DACH2: variants seen among roughly 807,000 people sequenced by gnomAD.
DACH2 encodes the protein dachshund family transcription factor 2.
In DACH2, 17 loss-of-function variants were observed where a neutral mutation model predicts 35.8. The ratio of observed to expected loss-of-function variants is 0.48; its 90% CI spans 0.33 to 0.71. The LOEUF (loss-of-function observed/expected upper bound fraction) is 0.71, where lower values mean the gene tolerates loss of function less well. DACH2 is among the 30% of genes least tolerant of loss of function. DACH2 has a pLI of 0.02. For synonymous variants in DACH2, 195 were observed against 177.3 expected (o/e 1.10, Z -0.79); for missense variants, 469 against 472.7 (o/e 0.99, Z 0.07).
intron 2 of DACH2, among the ~76,000 whole-genome samples, chrX:86,491,692 G>A (rs2038095447): frequency 1.8e-5 from 2 of 111,574 alleles, no homozygotes; most frequent in South Asian, 7.4e-4. Flanking sequence ...AGAGTTAAAA[G>A]GATGTTCTCA....
chrX:86,388,523 A>G (rs1201261745), intron 2 of DACH2, among the ~76,000 whole-genome samples: 1 of 111,590 alleles, frequency 9.0e-6, no homozygotes, highest in Non-Finnish European at 1.9e-5. Flanking sequence ...TTTACAGAGA[A>G]TCAACTGGAG....
rs774540218 is a variant in DACH2, at chrX:86,535,293, G to A, written c.640+20902G>A. Among the ~76,000 whole-genome samples, 104 of 111,608 alleles carry A rather than the reference G, an allele frequency of 9.3e-4. 1 individual carries two copies. The highest frequency in any genetic ancestry group is 3.3e-3 in the African/African-American group (103 of 30,760). ...CTTCAAAGAACTGGTCCTCCAGATT[G>A]AGAGAATGTCTTAGTATGTTTTGTG... On this transcript the variant is annotated intron_variant, in intron 3 of 11. Transcript: ENST00000373125.
At chrX:86,307,670 C>A (rs777949608) in intron 1 of DACH2, among the ~76,000 whole-genome samples, 1 of 111,149 alleles carries the variant, frequency 9.0e-6, no homozygotes, top group East Asian at 2.9e-4. Context: ...TCAGAAGCCA[C>A]CCCCAACACC....
chrX:86,150,765 A>C (rs1318032652), intron 1 of DACH2, among the ~76,000 whole-genome samples: 1 of 112,155 alleles, frequency 8.9e-6, no homozygotes, highest in Non-Finnish European at 1.9e-5. Flanking sequence ...TTATTAGTAC[A>C]CAAACTAAAA....
chrX:86,423,440 A>G (rs2036839059), intron 2 of DACH2, among the ~76,000 whole-genome samples: 1 of 110,393 alleles, frequency 9.1e-6, no homozygotes, highest in African/African-American at 3.3e-5. Context: ...TCACCTTTTC[A>G]TATGCCTGTT....
At chrX:86,738,397 T>A (rs1256160767) in intron 6 of DACH2, among the ~76,000 whole-genome samples, 1 of 112,257 alleles carries the variant, frequency 8.9e-6, no homozygotes, top group African/African-American at 3.2e-5. Flanking sequence ...AAAATCAATG[T>A]GGAAATGTAC....
chrX:86,593,413 A>ATTTTATTTTATTTTATTTTATTTTT (rs2039673404), intron 3 of DACH2, among the ~76,000 whole-genome samples: 1 of 100,877 alleles, frequency 9.9e-6, no homozygotes, highest in African/African-American at 3.8e-5. Context: ...ATTTTATTTT[A>ATTTTATTTTATTTTATTTTATTTTT]TTTTATTTTA....
intron 2 of DACH2, among the ~76,000 whole-genome samples, chrX:86,495,925 A>G (rs1038589885): frequency 4.5e-5 from 5 of 111,747 alleles, no homozygotes; most frequent in African/African-American, 1.6e-4. Flanking sequence ...AGATGTTACA[A>G]TAGGTACAAT....
chrX:86,336,256 G>T (rs1457002408), intron 1 of DACH2, among the ~76,000 whole-genome samples: 1 of 112,150 alleles, frequency 8.9e-6, no homozygotes, highest in Non-Finnish European at 1.9e-5. Context: ...GATGATGCTG[G>T]CCTCATAAAA....
intron 2 of DACH2, among the ~76,000 whole-genome samples, chrX:86,400,082 T>C (rs2036392948): frequency 9.0e-6 from 1 of 111,514 alleles, no homozygotes; most frequent in African/African-American, 3.3e-5. Flanking sequence ...GTTCATTTCT[T>C]TTTATTCTTT....
chrX:86,389,385 T>A (rs758410496), intron 2 of DACH2, among the ~76,000 whole-genome samples: 1 of 112,452 alleles, frequency 8.9e-6, no homozygotes, highest in Non-Finnish European at 1.9e-5. Context: ...TTACTGAACT[T>A]GTAGCAGCAC....
intron 2 of DACH2, among the ~76,000 whole-genome samples, chrX:86,379,117 G>A (rs1261463593): frequency 9.0e-6 from 1 of 111,213 alleles, no homozygotes; most frequent in African/African-American, 3.2e-5. Context: ...AGAAAGCCAT[G>A]TGTATAACAT....
rs1049086792 is a variant in DACH2 at position 86,221,046 on chromosome X, C to A, written c.488+71938C>A. On this transcript the variant is annotated intron_variant, in intron 1 of 11. Coordinates refer to ENST00000373125, the MANE Select transcript of DACH2 (RefSeq NM_053281.3). ...CTGTTGATTGTTTCTTTTGCTGTGG[C>A]AAAGCTTTTTAGTTTGATGTAGTTC... 5.4e-5 allele frequency among the ~76,000 whole-genome samples: 6 copies of A among 111,223 alleles called. No individual in the cohort carries two copies. In the Admixed American group the frequency reaches 5.7e-4, roughly 11 times the overall value.
intron 4 of DACH2, among the ~76,000 whole-genome samples, chrX:86,652,922 G>T (rs1372906670): frequency 8.9e-6 from 1 of 111,849 alleles, no homozygotes; most frequent in Non-Finnish European, 1.9e-5. Flanking sequence ...CTGTGCAGAA[G>T]CTCTTTACTT....
At chrX:86,799,155 C>A (rs112033124) in intron 7 of DACH2, 60,438 of 308,237 alleles carry the variant, frequency 0.2, 4,169 homozygotes, top group South Asian at 0.48. Context: ...GACCCTGGAA[C>A]TCTTGGTTCT....
intron 2 of DACH2, among the ~76,000 whole-genome samples, chrX:86,453,489 G>T (rs2037419304): frequency 9.0e-6 from 1 of 111,161 alleles, no homozygotes; most frequent in African/African-American, 3.3e-5. Flanking sequence ...TATGAATCTG[G>T]GTACTCATGT....
At chrX:86,667,305 A>AAAGAAG (rs2040684929) in intron 4 of DACH2, among the ~76,000 whole-genome samples, 4 of 33,933 alleles carry the variant, frequency 1.2e-4, no homozygotes, top group Non-Finnish European at 2.0e-4. Context: ...AAGGAAGGAA[A>AAAGAAG]GAAGGAAGGA....
intron 1 of DACH2, among the ~76,000 whole-genome samples, chrX:86,279,781 G>C (rs1273999714): frequency 9.1e-6 from 1 of 109,938 alleles, no homozygotes; most frequent in African/African-American, 3.3e-5. Flanking sequence ...AAAAAGGTTA[G>C]ACAAATTTCT....
chrX:86,707,722 C>T (rs1569471094), intron 5 of DACH2, among the ~76,000 whole-genome samples: 1 of 108,772 alleles, frequency 9.2e-6, no homozygotes, highest in African/African-American at 3.4e-5. Flanking sequence ...CGAGACCATC[C>T]TGGCCAACAT....
Sources: gnomAD v4.1 joint callset for allele counts (sites outside exome capture counted in the v4.1 genomes callset) on GRCh38, gnomAD v4.1.1 for gene constraint, MANE v1.5 for transcripts, NCBI Gene and HGNC (gene_info 2026-07-23, HGNC 2026-07-21) for gene names.